Variants in GOLGA6D observed in about 807,000 individuals in gnomAD.
GOLGA6D encodes golgin A6 family member D, also known as golgin subfamily A member 6D.
Under a neutral mutation model 42.1 loss-of-function variants are expected in GOLGA6D, and 9 were observed. That is an observed-to-expected ratio of 0.21 (90% CI 0.13 to 0.37). The LOEUF (loss-of-function observed/expected upper bound fraction) is 0.37, where lower values mean the gene tolerates loss of function less well. Among genes scored for constraint, GOLGA6D ranks in the 10% least tolerant of loss-of-function variants. The probability of loss-of-function intolerance (pLI) is 1.00; values close to 1 mark genes in which losing one functional copy is unlikely to be tolerated. For synonymous variants in GOLGA6D, 39 were observed against 167.3 expected (o/e 0.23, Z 5.92); for missense variants, 87 against 420.8 (o/e 0.21, Z 6.94).
the GOLGA6D span, among the ~76,000 whole-genome samples, chr15:75,277,429 A>G: frequency 1.2e-3 from 95 of 76,296 alleles, 3 homozygotes; most frequent in East Asian, 5.5e-3. Context: ...TTGTACATCC[A>G]GACAGCAGTG....
Position 75,294,467 on chromosome 15 carries a change from G to A in GOLGA6D, c.2074G>A (p.Asp692Asn), listed in dbSNP as rs1362984219. Residue 692 changes from aspartate to asparagine, a missense_variant, in exon 18 of 18, where the codon GAC (aspartate) becomes AAC (asparagine). Physicochemically the swap from Asp to Asn is conservative, Grantham distance 23. Transcript: ENST00000434739. Reference protein sequence around the residue: ...QIVQLSPVMQDT With the variant: ...QIVQLSPVMQNT ...CGTGCAGCTGTCTCCTGTCATGCAG[G>A]ACACCTAGGAGCACCCAGGCTTGCC... The A allele has an allele frequency of 6.3e-7, 1 of 1,593,346 alleles. No individual in the cohort carries two copies.
chr15:75,294,539 G>C lies in GOLGA6D; in HGVS notation c.*64G>C. The C allele has an allele frequency of 7.3e-7, 1 of 1,366,908 alleles. No individual in the cohort carries two copies. The highest frequency in any genetic ancestry group is 9.9e-7 in the Non-Finnish European group (1 of 1,007,606). 84.7% of individuals were successfully genotyped at this position (1,366,908 alleles called of 1,614,324 possible). A position where few individuals can be genotyped will look rare whatever the true frequency, so the allele number is the denominator to read the frequency against. ...CTTCTACCAGGCAGCCGAGAACAGG[G>C]AGATAAACATCATCATCTTCTAAGA... On this transcript the variant is annotated 3_prime_UTR_variant, in exon 18 of 18. Coordinates refer to ENST00000434739, the MANE Select transcript of GOLGA6D (RefSeq NM_001145224.3).
rs752202887 is a variant in GOLGA6D at position 75,294,400 on chromosome 15, C to T, written c.2007C>T (p.Ala669=). The change falls in exon 18 of 18, where the codon GCC becomes GCT. Residue 669 remains alanine, a synonymous_variant. Coordinates refer to ENST00000434739, the MANE Select transcript of GOLGA6D (RefSeq NM_001145224.3). ...ACGTGGAGCCTGCACCAGGAGTGGC[C>T]AGGGAGGGTTCTCCCCATAACAACC... ...DNNVEPAPGV[A]REGSPHNNPT... is the part of the protein sequence containing the mutation. 10 of 1,599,700 alleles carry T rather than the reference C, an allele frequency of 6.3e-6. No homozygotes were observed. The highest frequency in any genetic ancestry group is 3.4e-5 in the Admixed American group (2 of 58,660).
In GOLGA6D at chr15:75,294,329, C is replaced by T. The variant is rs764443917; in HGVS notation, c.1955-19C>T. 36 of 1,584,250 alleles carry T rather than the reference C, an allele frequency of 2.3e-5. 2 individuals carry two copies. In the South Asian group the frequency reaches 2.9e-4, roughly 13 times the overall value. On this transcript the variant is annotated intron_variant, in intron 17 of 17. Coordinates refer to ENST00000434739, the MANE Select transcript of GOLGA6D (RefSeq NM_001145224.3). ...GAGGCTCGCACTGTGCTCAGACCCC[C>T]GCCTCCCTCTCTCCGAAGTTTTTTA...
intron 14 of GOLGA6D, among the ~76,000 whole-genome samples, chr15:75,293,495 GGCTGT>G (rs2070884369): frequency 6.9e-6 from 1 of 144,860 alleles, no homozygotes; most frequent in Non-Finnish European, 1.5e-5. Context: ...AAGGTGTGAA[GGCTGT>G]GCTGCCTGCA....
intron 17 of GOLGA6D, 41 bp from the exon 18 acceptor site, chr15:75,294,307 G>A (rs1161999607): frequency 7.1e-6 from 11 of 1,553,010 alleles, no homozygotes; most frequent in Non-Finnish European, 9.5e-6. Flanking sequence ...GGCAGGGGAG[G>A]CTCGCACTGT....
chr15:75,289,055 G>T (rs1187585753), intron 7 of GOLGA6D, among the ~76,000 whole-genome samples: 5 of 127,576 alleles, frequency 3.9e-5, no homozygotes, highest in African/African-American at 1.7e-4. Context: ...ACACAATAGA[G>T]GTAATCCTAG....
At position 75,294,462 on chromosome 15, in the gene GOLGA6D, T is replaced by C; in HGVS notation, c.2069T>C (p.Met690Thr). The stretch of plus-strand genomic sequence containing the variant: ...CAGATCGTGCAGCTGTCTCCTGTCA[T>C]GCAGGACACCTAGGAGCACCCAGGC... Reference protein sequence around the residue: ...VQQIVQLSPVMQDT With the variant: ...VQQIVQLSPVTQDT The change falls in exon 18 of 18, where the codon ATG becomes ACG. Residue 690 changes from methionine to threonine, a missense_variant. Physicochemically the swap from Met to Thr is moderately conservative, Grantham distance 81. Transcript: ENST00000434739. The C allele has an allele frequency of 6.3e-7, 1 of 1,595,496 alleles. No individual in the cohort carries two copies. The highest frequency in any genetic ancestry group is 1.1e-5 in the South Asian group (1 of 90,382).
Position 75,294,500 on chromosome 15 carries a change from C to A in GOLGA6D, c.*25C>A, listed in dbSNP as rs779074415. 1.3e-6 allele frequency: 2 copies of A among 1,540,014 alleles called. No individual in the cohort carries two copies. Among genetic ancestry groups the A allele is most frequent in the Non-Finnish European group, 1.7e-6 (2 of 1,146,156 alleles). On this transcript the variant is annotated 3_prime_UTR_variant, in exon 18 of 18. Coordinates refer to ENST00000434739, the MANE Select transcript of GOLGA6D (RefSeq NM_001145224.3). Reference sequence around the variant, plus strand: ...GGAGCACCCAGGCTTGCCCAGCAAACCCTGCGTGCCATTCTTCTACCAGGC... The same window carrying A: ...GGAGCACCCAGGCTTGCCCAGCAAAACCTGCGTGCCATTCTTCTACCAGGC...
At chr15:75,278,020 G>A (rs2070832308), upstream of GOLGA6D, among the ~76,000 whole-genome samples, 1 of 117,514 alleles carries the variant, frequency 8.5e-6, no homozygotes, top group Non-Finnish European at 1.6e-5. Context: ...ACTCAGGTCT[G>A]TCACTTCCAA....
Position 75,294,445 on chromosome 15 carries a change from G to T in GOLGA6D, c.2052G>T (p.Val684=), listed in dbSNP as rs762146720. ...PHNNPTVQQI[V]QLSPVMQDT ...ACAACCCCACTGTACAGCAGATCGT[G>T]CAGCTGTCTCCTGTCATGCAGGACA... The change falls in exon 18 of 18, where the codon GTG becomes GTT. Residue 684 remains valine, a synonymous_variant. Transcript: ENST00000434739. 12 of 1,597,230 alleles carry T rather than the reference G, an allele frequency of 7.5e-6. No individual in the cohort carries two copies. The East Asian group carries it at 2.7e-4, about 36-fold the overall frequency.
In GOLGA6D at chr15:75,294,377, G is replaced by C. The variant is rs768819783; in HGVS notation, c.1984G>C (p.Val662Leu). Residue 662 changes from valine to leucine, a missense_variant, in exon 18 of 18, where the codon GTG becomes CTG. Transcript: ENST00000434739. ...TTATGAAGTGAGCCTGGACAACAAC[G>C]TGGAGCCTGCACCAGGAGTGGCCAG... is the stretch of plus-strand genomic sequence containing the variant. ...VFYEVSLDNN[V>L]EPAPGVAREG... 5.0e-6 allele frequency: 8 copies of C among 1,597,990 alleles called. No individual in the cohort carries two copies. The highest frequency in any genetic ancestry group is 2.2e-5 in the East Asian group (1 of 44,592).
chr15:75,278,830 C>T (rs2070837268), upstream of GOLGA6D, among the ~76,000 whole-genome samples: 2 of 151,658 alleles, frequency 1.3e-5, no homozygotes, highest in South Asian at 4.2e-4. Context: ...CATGCTCATA[C>T]TTATTAGATG....
In GOLGA6D at chr15:75,289,314, T is replaced by C; in HGVS notation, c.565-83T>C. On this transcript the variant is annotated intron_variant, in intron 7 of 17. Coordinates refer to ENST00000434739, the MANE Select transcript of GOLGA6D (RefSeq NM_001145224.3). Reference sequence around the variant, plus strand: ...ATGCCTTGACCTTTACTGACCGAGTTGTATATTGAGCCTAGCCCTAGCCCT... The same window carrying C: ...ATGCCTTGACCTTTACTGACCGAGTCGTATATTGAGCCTAGCCCTAGCCCT... The C allele has an allele frequency of 3.0e-5, 39 of 1,291,088 alleles. 1 individual carries two copies. Among genetic ancestry groups the C allele is most frequent in the Non-Finnish European group, 4.2e-5 (39 of 920,450 alleles). 80.0% of individuals were successfully genotyped at this position (1,291,088 alleles called of 1,614,324 possible).
At chr15:75,278,641 C>T (rs1448596568), upstream of GOLGA6D, among the ~76,000 whole-genome samples, 1 of 151,642 alleles carries the variant, frequency 6.6e-6, no homozygotes, top group Non-Finnish European at 1.5e-5. Flanking sequence ...TCCTCTCCAC[C>T]CTTGCTGTTG....
chr15:75,277,689 G>A, the GOLGA6D span, among the ~76,000 whole-genome samples: 6 of 129,142 alleles, frequency 4.6e-5, no homozygotes, highest in African/African-American at 6.4e-5. Context: ...AGCCAGGCAC[G>A]GTGGTGCCTG....
Position 75,288,722 on chromosome 15 carries a change from T to G in GOLGA6D, c.564+358T>G, listed in dbSNP as rs1220756893. ...CATTTCTGTAGAGAGAGGAAAGGGG[T>G]GTGTGTGTGTGTGTGTGTGTGTGTG... On this transcript the variant is annotated intron_variant, in intron 7 of 17. Transcript: ENST00000434739. Among the ~76,000 whole-genome samples the G allele has an allele frequency of 6.1e-4, 16 of 26,294 alleles. 2 individuals are homozygous for G. The highest frequency in any genetic ancestry group is 9.5e-4 in the African/African-American group (13 of 13,646). The allele number at this position is 26,294 out of a possible 152,430, so 17.2% of individuals were successfully genotyped here.
chr15:75,289,298 C>G (rs1464770437), intron 7 of GOLGA6D, 99 bp from the exon 8 acceptor site: 1 of 959,342 alleles, frequency 1.0e-6, no homozygotes, highest in Admixed American at 2.2e-5. Context: ...AATGCCTTGA[C>G]CTTTACTGAC....
At chr15:75,288,720 GGTGTGTGTGTGTGT>G (rs59539121) in intron 7 of GOLGA6D, among the ~76,000 whole-genome samples, 6 of 116,170 alleles carry the variant, frequency 5.2e-5, no homozygotes, top group African/African-American at 1.7e-4. Flanking sequence ...AGAGGAAAGG[GGTGTGTGTGTGTGT>G]GTGTGTGTGT....
Sources: allele counts gnomAD v4.1 joint callset (sites outside exome capture counted in the v4.1 genomes callset), GRCh38; gene constraint gnomAD v4.1.1; transcripts MANE v1.5; gene names NCBI Gene and HGNC (gene_info 2026-07-23, HGNC 2026-07-21).